Variants in TRDN observed in about 807,000 individuals in gnomAD.
TRDN encodes triadin in skeletal muscle.
A neutral mutation model predicts 149.7 loss-of-function variants in TRDN; 161 were observed. The ratio of observed to expected loss-of-function variants is 1.08; its 90% confidence interval spans 0.95 to 1.23. The LOEUF is 1.23. Ranked by LOEUF, TRDN falls within the 50% of genes most tolerant of loss-of-function variation. The pLI, the probability that TRDN is intolerant of heterozygous loss-of-function variation, is 0.00. For synonymous variants in TRDN, 294 were observed against 250.5 expected, an observed-to-expected ratio of 1.17 and a Z score of -1.64; for missense variants, 896 against 823.5, an observed-to-expected ratio of 1.09 and a Z score of -1.08.
At chr6:123,463,771 C>A (rs938693576) in intron 10 of TRDN, among the ~76,000 whole-genome samples, 1 of 145,868 alleles carries the variant, frequency 6.9e-6, no homozygotes. Flanking sequence ...GGTCTATTTT[C>A]TTTCTGTTTT....
At chr6:123,633,833 C>T (rs972670671) in intron 1 of TRDN, among the ~76,000 whole-genome samples, 2 of 151,896 alleles carry the variant, frequency 1.3e-5, no homozygotes, top group African/African-American at 4.8e-5. Context: ...GTTATAGGCA[C>T]GACATGCACT....
rs578181465 is a variant in TRDN, at chr6:123,254,396, A to G, written c.1951+685T>C. Among the ~76,000 whole-genome samples the G allele has an allele frequency of 5.3e-5, 8 of 152,156 alleles. No individual in the cohort carries two copies. In the South Asian group the frequency reaches 1.7e-3, roughly 32 times the overall value. On this transcript the variant is annotated intron_variant, in intron 37 of 40. Transcript: ENST00000334268. ...GTAAAAGGGAGTCAGTGAAAAACAA[A>G]GCTTTTTCTCTCCCTACTAGAGATT...
chr6:123,616,255 C>G (rs905866037), intron 1 of TRDN, among the ~76,000 whole-genome samples: 1 of 151,896 alleles, frequency 6.6e-6, no homozygotes, highest in African/African-American at 2.4e-5. Flanking sequence ...TCCCTTGAGC[C>G]CAGGAGTTTG....
chr6:123,582,120 T>C (rs1366310176), intron 1 of TRDN, among the ~76,000 whole-genome samples: 1 of 152,060 alleles, frequency 6.6e-6, no homozygotes, highest in African/African-American at 2.4e-5. Flanking sequence ...AAACCAATAA[T>C]CAATACATGT....
chr6:123,228,876 G>A (rs2114516733), intron 38 of TRDN, among the ~76,000 whole-genome samples: 1 of 151,948 alleles, frequency 6.6e-6, no homozygotes, highest in South Asian at 2.1e-4. Flanking sequence ...CTTAAAATGA[G>A]AGGGGGTGCT....
At chr6:123,514,663 CAT>C (rs35712400) in intron 6 of TRDN, among the ~76,000 whole-genome samples, 7 of 150,472 alleles carry the variant, frequency 4.7e-5, no homozygotes, top group Non-Finnish European at 8.9e-5. Flanking sequence ...CACACACACA[CAT>C]ATCATTAGGA....
intron 23 of TRDN, among the ~76,000 whole-genome samples, chr6:123,320,508 T>A (rs1014017086): frequency 2.1e-4 from 32 of 151,916 alleles, no homozygotes; most frequent in African/African-American, 7.7e-4. Flanking sequence ...ATGTGGTAAA[T>A]GTTATTATTA....
intron 8 of TRDN, among the ~76,000 whole-genome samples, chr6:123,501,484 T>C (rs1008432979): frequency 2.2e-4 from 33 of 151,574 alleles, no homozygotes; most frequent in African/African-American, 7.5e-4. Context: ...AAAAAAACTA[T>C]ATCTTTATCT....
At position 123,279,059 on chromosome 6, in the gene TRDN, G is replaced by T; in HGVS notation, c.1534C>A (p.Pro512Thr). 1 of 1,608,990 alleles carries T rather than the reference G, an allele frequency of 6.2e-7. No individual in the cohort carries two copies. The highest frequency in any genetic ancestry group is 8.5e-7 in the Non-Finnish European group (1 of 1,177,740). The part of the protein sequence containing the change: ...KAGKEVKPKP[P>T]QLQGKKEEKP... ...ATTGAGCATGCATATAACATACGTG[G>T]AGGTTTAGGCTTGACTTCTTTGCCT... The change falls in exon 25 of 41, where the codon CCA becomes ACA. Residue 512 changes from proline (P) to threonine (T), a missense_variant. By Grantham distance (38) the Pro-to-Thr change is conservative (BLOSUM62 -1). Transcript: ENST00000334268.
intron 12 of TRDN, among the ~76,000 whole-genome samples, chr6:123,420,092 A>G (rs1441277331): frequency 6.6e-6 from 1 of 152,216 alleles, no homozygotes; most frequent in Non-Finnish European, 1.5e-5. Flanking sequence ...ATGCAAGCAA[A>G]GTGCTCGTAA....
chr6:123,339,177 G>A (rs896895533), intron 21 of TRDN, among the ~76,000 whole-genome samples: 25 of 151,820 alleles, frequency 1.6e-4, no homozygotes, highest in Non-Finnish European at 3.7e-4. Flanking sequence ...GCTAATTTTT[G>A]TATTTTTAGT....
intron 38 of TRDN, among the ~76,000 whole-genome samples, chr6:123,239,634 A>G (rs2114540810): frequency 6.6e-6 from 1 of 152,240 alleles, no homozygotes; most frequent in African/African-American, 2.4e-5. Flanking sequence ...AATATACTCT[A>G]TAAATAAAAT....
intron 10 of TRDN, among the ~76,000 whole-genome samples, chr6:123,454,274 C>G (rs559111370): frequency 6.6e-6 from 1 of 151,852 alleles, no homozygotes; most frequent in East Asian, 1.9e-4. Context: ...CAATAACTGA[C>G]GGAAAAATGT....
intron 12 of TRDN, among the ~76,000 whole-genome samples, chr6:123,424,687 G>A (rs969544749): frequency 6.6e-6 from 1 of 152,176 alleles, no homozygotes; most frequent in Non-Finnish European, 1.5e-5. Flanking sequence ...TGGCAAGCAT[G>A]TGTGATTAGG....
At chr6:123,355,041 A>G (rs1327017464) in intron 20 of TRDN, among the ~76,000 whole-genome samples, 1 of 151,776 alleles carries the variant, frequency 6.6e-6, no homozygotes. Flanking sequence ...ATAATGCCAC[A>G]TGCTTTTCAT....
intron 4 of TRDN, among the ~76,000 whole-genome samples, chr6:123,535,785 TA>T (rs1780498375): frequency 6.6e-6 from 1 of 152,136 alleles, no homozygotes; most frequent in Non-Finnish European, 1.5e-5. Context: ...CGATGATCTG[TA>T]AAGAATTATT....
chr6:123,413,682 T>C (rs1466840986), intron 12 of TRDN, among the ~76,000 whole-genome samples: 1 of 152,134 alleles, frequency 6.6e-6, no homozygotes, highest in East Asian at 1.9e-4. Context: ...GAATATAGTT[T>C]CCCAAAAGGC....
intron 38 of TRDN, among the ~76,000 whole-genome samples, chr6:123,226,101 C>G (rs926159769): frequency 6.6e-6 from 1 of 151,590 alleles, no homozygotes; most frequent in African/African-American, 2.4e-5. Context: ...ATTTTTTTTA[C>G]TATATATTAT....
chr6:123,254,353 T>C (rs564663538), intron 37 of TRDN, among the ~76,000 whole-genome samples: 12 of 152,178 alleles, frequency 7.9e-5, no homozygotes, highest in African/African-American at 2.9e-4. Flanking sequence ...ATTTCAGGGA[T>C]ACACATTTCA....
Sources: gnomAD v4.1 joint callset for allele counts (sites outside exome capture counted in the v4.1 genomes callset) on GRCh38, gnomAD v4.1.1 for gene constraint, MANE v1.5 for transcripts, NCBI Gene and HGNC (gene_info 2026-07-23, HGNC 2026-07-21) for gene names.